Variants in PCDHA1 observed in about 807,000 individuals in gnomAD.
The protein encoded by PCDHA1 is protocadherin alpha 1, also known as protocadherin alpha-1.
A neutral mutation model predicts 61.3 loss-of-function variants in PCDHA1; 42 were observed. That is an observed-to-expected ratio of 0.69 (90% CI 0.54 to 0.89). PCDHA1 has a LOEUF of 0.89. PCDHA1 is among the 40% of genes least tolerant of loss of function. PCDHA1 has a pLI of 0.00. For synonymous variants in PCDHA1, 610 were observed against 553.8 expected (o/e 1.10, Z -1.43); for missense variants, 1,256 against 1,235.3 (o/e 1.02, Z -0.25).
chr5:140,809,507 C>T (rs1288901774), intron 1 of PCDHA1: 2 of 1,614,192 alleles, frequency 1.2e-6, no homozygotes, highest in Non-Finnish European at 1.7e-6. Context: ...GGCCTTCAGC[C>T]CCAGTTTACC....
At chr5:140,862,065 G>T (rs2047192939) in intron 1 of PCDHA1, 1 of 155,768 alleles carries the variant, frequency 6.4e-6, no homozygotes, top group African/African-American at 2.4e-5. Flanking sequence ...TGCAACTGAT[G>T]TCTCCCCTAA....
chr5:140,868,184 G>A (rs1216562415), intron 1 of PCDHA1: 3 of 151,962 alleles, frequency 2.0e-5, no homozygotes, highest in African/African-American at 7.2e-5. Context: ...CTCATATTAT[G>A]CTACTATGGC....
rs112947494 is a variant in PCDHA1, at chr5:140,841,828, C to T, written c.2394+53144C>T. The T allele has an allele frequency of 2.2e-3, 3,483 of 1,613,892 alleles. 96 individuals are homozygous for T. In the African/African-American group the frequency reaches 0.04, roughly 19 times the overall value. ...ATGTTGGAGCTAACTCCGTGTTAAC[C>T]TACAGGCTTAGCTCTCATGATTACT... On this transcript the variant is annotated intron_variant, in intron 1 of 3. Transcript: ENST00000504120.
At chr5:140,876,028 A>G in intron 1 of PCDHA1, 1 of 1,613,716 alleles carries the variant, frequency 6.2e-7, no homozygotes, top group Non-Finnish European at 8.5e-7. Flanking sequence ...AAAAACAAAA[A>G]AAGATAAAAG....
At chr5:140,942,821 G>A (rs2093373988) in intron 1 of PCDHA1, among the ~76,000 whole-genome samples, 1 of 151,968 alleles carries the variant, frequency 6.6e-6, no homozygotes, top group African/African-American at 2.4e-5. Flanking sequence ...GTTGGATTTG[G>A]CCCTGTGTCA....
Position 140,847,412 on chromosome 5 carries a change from C to T in PCDHA1, c.2394+58728C>T, listed in dbSNP as rs1554141782. On this transcript the variant is annotated intron_variant, in intron 1 of 3. Coordinates refer to ENST00000504120, the MANE Select transcript of PCDHA1 (RefSeq NM_018900.4). ...ACATTAATGGCACAATAAACACTCA[C>T]GGTTTTGCCTTTAGACTTGAGATAC... 2 of 149,550 alleles carry T rather than the reference C, an allele frequency of 1.3e-5. 1 individual carries two copies. Among genetic ancestry groups the T allele is most frequent in the Non-Finnish European group, 3.0e-5 (2 of 66,894 alleles). 9.3% of individuals were successfully genotyped at this position (149,550 alleles called of 1,614,324 possible). A position where few individuals can be genotyped will look rare whatever the true frequency, so the allele number is the denominator to read the frequency against.
chr5:140,993,133 C>T (rs2097542175), intron 3 of PCDHA1, among the ~76,000 whole-genome samples: 1 of 152,190 alleles, frequency 6.6e-6, no homozygotes, highest in East Asian at 1.9e-4. Context: ...CCTTCTGTTG[C>T]AACAAGTATA....
chr5:140,843,514 G>T lies in PCDHA1; in HGVS notation c.2394+54830G>T, dbSNP rs2150361625. 18 of 1,595,918 alleles carry T rather than the reference G, an allele frequency of 1.1e-5. 2 individuals carry two copies. Among genetic ancestry groups the T allele is most frequent in the Non-Finnish European group, 1.5e-5 (18 of 1,165,532 alleles). The stretch of plus-strand genomic sequence containing the variant: ...GCTCAGCACTGCCCACTGAGGGCGG[G>T]TGCCGGGCGGGCAAGCCCACTCTGG... On this transcript the variant is annotated intron_variant, in intron 1 of 3. Coordinates refer to ENST00000504120, the MANE Select transcript of PCDHA1 (RefSeq NM_018900.4).
intron 1 of PCDHA1, among the ~76,000 whole-genome samples, chr5:140,838,079 T>A (rs1373778941): frequency 4.7e-3 from 32 of 6,862 alleles, no homozygotes; most frequent in East Asian, 3.8e-3. Context: ...ATATATATAG[T>A]GTGTGTGTGT....
At chr5:140,892,803 A>T (rs1554185373) in intron 1 of PCDHA1, among the ~76,000 whole-genome samples, 1 of 152,174 alleles carries the variant, frequency 6.6e-6, no homozygotes. Context: ...ATTATAGTTA[A>T]CCATATTTAT....
At position 140,848,667 on chromosome 5, in the gene PCDHA1, G is replaced by C; in HGVS notation, c.2394+59983G>C. 6.3e-7 allele frequency: 1 copy of C among 1,592,344 alleles called. No homozygotes were observed. On this transcript the variant is annotated intron_variant, in intron 1 of 3. Transcript: ENST00000504120. ...GCAGGACCTGGGGCTGGAGCTGGCG[G>C]AGCTGGTGCCGCGCCTGTTCCAGTT...
chr5:140,882,116 GTTTC>G (rs1420968771), intron 1 of PCDHA1: 4 of 1,427,956 alleles, frequency 2.8e-6, no homozygotes, highest in South Asian at 1.4e-5. Flanking sequence ...GAAAGCCGCC[GTTTC>G]TTTCTTCCTG....
intron 1 of PCDHA1, chr5:140,968,910 T>G (rs782307931): frequency 1.9e-6 from 3 of 1,613,974 alleles, no homozygotes; most frequent in Non-Finnish European, 2.5e-6. Flanking sequence ...TTAAGCACAG[T>G]GTCTTTTATA....
At chr5:140,856,100 C>T (rs782183125) in intron 1 of PCDHA1, 2 of 1,597,876 alleles carry the variant, frequency 1.3e-6, no homozygotes, top group Non-Finnish European at 1.7e-6. Context: ...GCTCTCGCTT[C>T]TTCTCCTCGC....
At chr5:140,992,999 C>G (rs1254110475) in intron 3 of PCDHA1, among the ~76,000 whole-genome samples, 4 of 152,188 alleles carry the variant, frequency 2.6e-5, no homozygotes, top group African/African-American at 9.7e-5. Flanking sequence ...CATGAAAGAG[C>G]CTCCCCAGAG....
At chr5:140,902,504 C>G (rs2069506794) in intron 1 of PCDHA1, among the ~76,000 whole-genome samples, 1 of 151,984 alleles carries the variant, frequency 6.6e-6, no homozygotes, top group African/African-American at 2.4e-5. Context: ...AGCTGTGAGT[C>G]TGTCATATAT....
At chr5:140,836,601 G>A (rs1774608551) in intron 1 of PCDHA1, 1 of 1,613,748 alleles carries the variant, frequency 6.2e-7, no homozygotes, top group Non-Finnish European at 8.5e-7. Context: ...GCCCACTCTG[G>A]TGTGCTCCAG....
intron 1 of PCDHA1, chr5:140,843,500 C>T: frequency 1.3e-6 from 2 of 1,596,010 alleles, no homozygotes; most frequent in South Asian, 1.1e-5. Flanking sequence ...CTCAGCACTG[C>T]CCACTGAGGG....
chr5:140,882,930 A>C, intron 1 of PCDHA1: 8 of 1,614,214 alleles, frequency 5.0e-6, no homozygotes, highest in Non-Finnish European at 6.8e-6. Context: ...GGTAAACCCG[A>C]GCTGACTGGC....
Sources: allele counts gnomAD v4.1 joint callset (sites outside exome capture counted in the v4.1 genomes callset), GRCh38; gene constraint gnomAD v4.1.1; transcripts MANE v1.5; gene names NCBI Gene and HGNC (gene_info 2026-07-23, HGNC 2026-07-21).